DPY19L4: variants seen among roughly 807,000 people sequenced by gnomAD.
DPY19L4 encodes the protein dpy-19 like 4, also known as probable C-mannosyltransferase DPY19L4.
In DPY19L4, 97 loss-of-function variants were observed where a neutral mutation model predicts 102.8. The observed-to-expected ratio is 0.94, with a 90% CI of 0.80 to 1.12. DPY19L4 has a LOEUF of 1.12. DPY19L4 is among the 50% of genes most tolerant of loss of function. The pLI, the probability that DPY19L4 is intolerant of heterozygous loss-of-function variation, is 0.00. For synonymous variants in DPY19L4, 252 were observed against 283.1 expected (o/e 0.89, Z 1.10); for missense variants, 815 against 850.4 (o/e 0.96, Z 0.52).
At chr8:94,777,922 G>A (rs1343678725) in intron 14 of DPY19L4, 136 bp downstream of exon 14, 29 of 1,128,088 alleles carry the variant, frequency 2.6e-5, no homozygotes, top group Admixed American at 6.0e-5. Context: ...CAGATCCTGC[G>A]CAAAACATTT....
chr8:94,748,638 CGATGAT>C (rs943932900), intron 6 of DPY19L4, among the ~76,000 whole-genome samples: 1 of 144,156 alleles, frequency 6.9e-6, no homozygotes, highest in Non-Finnish European at 1.6e-5. Context: ...ATGATGATGA[CGATGAT>C]GATGATGATG....
At chr8:94,735,445 G>A (rs1345207675) in intron 3 of DPY19L4, among the ~76,000 whole-genome samples, 1 of 152,080 alleles carries the variant, frequency 6.6e-6, no homozygotes, top group African/African-American at 2.4e-5. Context: ...TATCTGTCTT[G>A]ATTTAGCTAT....
At chr8:94,726,737 T>G (rs1045682674) in intron 2 of DPY19L4, among the ~76,000 whole-genome samples, 1 of 152,208 alleles carries the variant, frequency 6.6e-6, no homozygotes, top group South Asian at 2.1e-4. Flanking sequence ...AATCATGCAA[T>G]GTCTCTTAAA....
chr8:94,759,781 G>A (rs1157210404), intron 7 of DPY19L4, among the ~76,000 whole-genome samples: 3 of 152,164 alleles, frequency 2.0e-5, no homozygotes, highest in African/African-American at 7.2e-5. Flanking sequence ...GGGATTACAG[G>A]TGTGAGCCAC....
chr8:94,767,333 G>A (rs1250447399), intron 11 of DPY19L4, among the ~76,000 whole-genome samples: 1 of 132,774 alleles, frequency 7.5e-6, no homozygotes, highest in East Asian at 2.3e-4. Flanking sequence ...TTACTCTGTT[G>A]CCCAGGCTGG....
intron 12 of DPY19L4, among the ~76,000 whole-genome samples, chr8:94,770,167 G>A (rs1421069399): frequency 3.9e-5 from 6 of 152,208 alleles, no homozygotes; most frequent in African/African-American, 7.2e-5. Flanking sequence ...GATTACAGGC[G>A]TAAGTCACTG....
At chr8:94,759,256 C>T (rs935040954) in intron 7 of DPY19L4, among the ~76,000 whole-genome samples, 1 of 152,114 alleles carries the variant, frequency 6.6e-6, no homozygotes, top group African/African-American at 2.4e-5. Flanking sequence ...CCATTTTTGT[C>T]CTATCAGAGC....
intron 14 of DPY19L4, among the ~76,000 whole-genome samples, chr8:94,779,104 G>T (rs2130925307): frequency 6.6e-6 from 1 of 152,110 alleles, no homozygotes; most frequent in East Asian, 1.9e-4. Context: ...TCACAGAGGA[G>T]GCCAGAGTGG....
chr8:94,730,576 T>G (rs951527614), intron 2 of DPY19L4, among the ~76,000 whole-genome samples: 1 of 151,148 alleles, frequency 6.6e-6, no homozygotes. Context: ...ATAAACTCCA[T>G]CTGTACTCAA....
intron 6 of DPY19L4, among the ~76,000 whole-genome samples, chr8:94,745,606 G>A (rs1223965866): frequency 6.6e-6 from 1 of 152,184 alleles, no homozygotes; most frequent in Non-Finnish European, 1.5e-5. Flanking sequence ...TGGTGATGAT[G>A]TTGGTATACT....
chr8:94,778,225 A>G (rs1813273602), intron 14 of DPY19L4, among the ~76,000 whole-genome samples: 1 of 149,198 alleles, frequency 6.7e-6, no homozygotes, highest in Non-Finnish European at 1.5e-5. Flanking sequence ...ACAGAGCAAG[A>G]CTTTGTCTCA....
At chr8:94,745,298 A>C (rs1333062417) in intron 6 of DPY19L4, among the ~76,000 whole-genome samples, 1 of 151,960 alleles carries the variant, frequency 6.6e-6, no homozygotes, top group East Asian at 1.9e-4. Flanking sequence ...ATGGACTGAC[A>C]GAGTCCAGGT....
At chr8:94,774,681 G>A (rs572957150) in intron 13 of DPY19L4, among the ~76,000 whole-genome samples, 3 of 151,282 alleles carry the variant, frequency 2.0e-5, no homozygotes, top group Admixed American at 6.6e-5. Context: ...GGATTCAAGC[G>A]ATTCTCCTGC....
rs1813258519 is a variant in DPY19L4 at position 94,777,865 on chromosome 8, A to G, written c.1575+79A>G. 2.1e-6 allele frequency: 3 copies of G among 1,450,266 alleles called. No homozygotes were observed. The South Asian group carries it at 4.1e-5, about 20-fold the overall frequency. 89.8% of individuals were successfully genotyped at this position (1,450,266 alleles called of 1,614,324 possible). The stretch of plus-strand genomic sequence containing the variant: ...ATAAATGGAAACTACATTGAATACA[A>G]TTGAAATAGCATGAGTAAATTACAT... On this transcript the variant is annotated intron_variant, in intron 14 of 18. Coordinates refer to ENST00000414645, the MANE Select transcript of DPY19L4 (RefSeq NM_181787.3).
intron 1 of DPY19L4, 62 bp from the exon 2 acceptor site, chr8:94,726,269 C>T (rs1810684463): frequency 7.3e-7 from 1 of 1,369,932 alleles, no homozygotes; most frequent in Non-Finnish European, 9.9e-7. Context: ...GGTTAATTGG[C>T]TCAGGATACA....
At chr8:94,788,095 A>ATATATATATATATTTTTT (rs778540423) in intron 18 of DPY19L4, 43 bp downstream of exon 18, 1 of 939,262 alleles carries the variant, frequency 1.1e-6, no homozygotes, top group Non-Finnish European at 1.3e-6. Flanking sequence ...ATATATATAT[A>ATATATATATATATTTTTT]TTTTTTTTTT....
rs1347218447 is a variant in DPY19L4, at chr8:94,793,365, G to A, written c.*3455G>A. 1 of 152,146 alleles carries A rather than the reference G, an allele frequency of 6.6e-6. No homozygotes were observed. The highest frequency in any genetic ancestry group is 6.5e-5 in the Admixed American group (1 of 15,268). 9.4% of individuals were successfully genotyped at this position (152,146 alleles called of 1,614,324 possible). A position where few individuals can be genotyped will look rare whatever the true frequency, so the allele number is the denominator to read the frequency against. On this transcript the variant is annotated 3_prime_UTR_variant, in exon 19 of 19. Transcript: ENST00000414645. Reference sequence around the variant, plus strand: ...TTTTGAACTGTTAAAAAATTTTGATGCTTTTCGTGGATAAAAGTAGTGCCT... The same window carrying A: ...TTTTGAACTGTTAAAAAATTTTGATACTTTTCGTGGATAAAAGTAGTGCCT...
intron 7 of DPY19L4, among the ~76,000 whole-genome samples, chr8:94,758,780 G>A (rs1294303489): frequency 6.6e-6 from 1 of 151,536 alleles, no homozygotes; most frequent in Non-Finnish European, 1.5e-5. Flanking sequence ...TGTTGCCCAG[G>A]CTGGAGTACA....
intron 8 of DPY19L4, among the ~76,000 whole-genome samples, chr8:94,763,579 G>A (rs1812497626): frequency 6.6e-6 from 1 of 151,134 alleles, no homozygotes; most frequent in Admixed American, 6.6e-5. Flanking sequence ...GGAGTGCAGT[G>A]GTGCGATCTC....
Sources: gnomAD v4.1 joint callset for allele counts (sites outside exome capture counted in the v4.1 genomes callset) on GRCh38, gnomAD v4.1.1 for gene constraint, MANE v1.5 for transcripts, NCBI Gene and HGNC (gene_info 2026-07-23, HGNC 2026-07-21) for gene names.